The following ABCA5 variants were observed in gnomAD, a reference collection of about 807,000 sequenced individuals.
The protein encoded by ABCA5 is cholesterol transporter ABCA5.
Under a neutral mutation model 206.0 loss-of-function variants are expected in ABCA5, and 163 were observed. The observed-to-expected ratio is 0.79, with a 90% CI of 0.70 to 0.90. The LOEUF (loss-of-function observed/expected upper bound fraction) is 0.90. ABCA5 is among the 40% of genes least tolerant of loss of function. ABCA5 has a pLI of 0.00. For missense variants in ABCA5, 1,859 were observed against 1,912.9 expected (o/e 0.97, Z 0.53); for synonymous variants, 609 against 613.8 (o/e 0.99, Z 0.11).
intron 35 of ABCA5, 27 bp downstream of exon 35, chr17:69,251,720 T>C (rs1288807852): frequency 2.5e-6 from 4 of 1,598,210 alleles, no homozygotes; most frequent in Non-Finnish European, 3.4e-6. Flanking sequence ...CCTCTTCCCC[T>C]GAATGGCACG....
In ABCA5 at chr17:69,291,204, C is replaced by G; in HGVS notation, c.1606+12G>C. ...TAATGAAGTTTTTTTTTCTTTAAGA[C>G]AGAAAACTCACCATCAGAAGGTGGG... On this transcript the variant is annotated intron_variant, in intron 12 of 38. Transcript: ENST00000392676. 3.9e-6 allele frequency: 6 copies of G among 1,531,346 alleles called. No individual in the cohort carries two copies. Among genetic ancestry groups the G allele is most frequent in the Admixed American group, 1.9e-5 (1 of 51,416 alleles). 94.9% of individuals were successfully genotyped at this position (1,531,346 alleles called of 1,614,324 possible). A position where few individuals can be genotyped will look rare whatever the true frequency, so the allele number is the denominator to read the frequency against.
chr17:69,271,230 T>C lies in ABCA5; in HGVS notation c.2824A>G (p.Ile942Val). 6.2e-7 allele frequency: 1 copy of C among 1,613,586 alleles called. No homozygotes were observed. Among genetic ancestry groups the C allele is most frequent in the Non-Finnish European group, 8.5e-7 (1 of 1,179,666 alleles). Residue 942 changes from isoleucine (I) to valine (V), a missense_variant, in exon 21 of 39, where the codon ATT becomes GTT. Physicochemically the swap from Ile to Val is conservative, Grantham distance 29. Coordinates refer to ENST00000392676, the MANE Select transcript of ABCA5 (RefSeq NM_172232.4). The stretch of plus-strand genomic sequence containing the variant: ...ACGGATACATAGTCACTGTCATTAA[T>C]CATCGTCACCATTATGTTCTGGCTT... ...FTSQNIMVTM[I>V]NDSDYVSVAP...
At chr17:69,301,324 G>T in intron 8 of ABCA5, 38 bp from the exon 9 acceptor site, 3 of 1,553,610 alleles carry the variant, frequency 1.9e-6, no homozygotes, top group South Asian at 2.4e-5. Flanking sequence ...ACATAAAAAT[G>T]ACAAAAACAA....
intron 4 of ABCA5, 123 bp downstream of exon 4, chr17:69,309,139 T>C: frequency 1.5e-6 from 1 of 680,338 alleles, no homozygotes; most frequent in East Asian, 3.2e-5. Flanking sequence ...TCAGTTTTCC[T>C]ATTGGAACAA....
intron 11 of ABCA5, among the ~76,000 whole-genome samples, chr17:69,292,410 T>G (rs2075538646): frequency 6.6e-6 from 1 of 152,192 alleles, no homozygotes; most frequent in Admixed American, 6.5e-5. Flanking sequence ...AATTATGTGT[T>G]GGTAACATAT....
intron 9 of ABCA5, 42 bp downstream of exon 9, chr17:69,301,097 C>A: frequency 1.4e-6 from 2 of 1,480,322 alleles, no homozygotes; most frequent in South Asian, 3.0e-5. Flanking sequence ...GGCAAAAAAG[C>A]CTAAAAATCT....
At chr17:69,275,450 T>G (rs557019559) in intron 19 of ABCA5, among the ~76,000 whole-genome samples, 1 of 152,186 alleles carries the variant, frequency 6.6e-6, no homozygotes, top group East Asian at 1.9e-4. Context: ...GTAATTTTTT[T>G]AAAAAAATTC....
At chr17:69,281,715 C>T (rs940394042) in intron 18 of ABCA5, among the ~76,000 whole-genome samples, 5 of 152,120 alleles carry the variant, frequency 3.3e-5, no homozygotes, top group Non-Finnish European at 5.9e-5. Flanking sequence ...TGTTCCCACA[C>T]AATAAGGCCA....
intron 4 of ABCA5, 109 bp downstream of exon 4, chr17:69,309,153 A>T (rs2075746330): frequency 1.2e-6 from 1 of 814,112 alleles, no homozygotes; most frequent in East Asian, 3.0e-5. Flanking sequence ...GGAACAAGTA[A>T]GAATAGTTGA....
At chr17:69,248,487 T>G (rs558053217) in intron 37 of ABCA5, 170 bp from the exon 38 acceptor site, 14 of 503,532 alleles carry the variant, frequency 2.8e-5, no homozygotes, top group Non-Finnish European at 5.1e-5. Context: ...TCCCCACACC[T>G]ATAATTCCTC....
At chr17:69,309,819 AAC>A (rs1357870615) in intron 3 of ABCA5, among the ~76,000 whole-genome samples, 5 of 152,142 alleles carry the variant, frequency 3.3e-5, no homozygotes, top group Admixed American at 2.6e-4. Context: ...CAGCTTAGGC[AAC>A]AGAGTGAGAC....
chr17:69,290,067 A>G (rs746109829), intron 12 of ABCA5, 30 bp from the exon 13 acceptor site: 2 of 1,400,902 alleles, frequency 1.4e-6, no homozygotes, highest in Admixed American at 2.3e-5. Context: ...TTAAATGTAC[A>G]TTAATTATTT....
chr17:69,298,305 A>G (rs1312638754), intron 9 of ABCA5, among the ~76,000 whole-genome samples: 1 of 133,402 alleles, frequency 7.5e-6, no homozygotes, highest in Non-Finnish European at 1.6e-5. Context: ...AAAGAGAAAG[A>G]AAGAGAGAGA....
Position 69,297,310 on chromosome 17 carries a change from A to C in ABCA5, c.1317T>G (p.Tyr439Ter). 1 of 1,611,158 alleles carries C rather than the reference A, an allele frequency of 6.2e-7. No individual in the cohort carries two copies. Among genetic ancestry groups the C allele is most frequent in the Non-Finnish European group, 8.5e-7 (1 of 1,179,220 alleles). The change falls in exon 10 of 39, where the codon TAT (tyrosine) becomes TAG (stop). Residue 439 changes from tyrosine to a stop codon, truncating the protein, a stop_gained. Coordinates refer to ENST00000392676, the MANE Select transcript of ABCA5 (RefSeq NM_172232.4). LOFTEE classifies it high-confidence loss of function. ...CATAATTTCTTTTGCTCTTTGACCA[A>C]TATGAAGGCTTCAGAAAATATAAAG... ...RSSLYFLKPSYWSKSKRNYEE... is the reference protein window; with the variant it reads ...RSSLYFLKPS
At chr17:69,288,517 T>C (rs956104896) in intron 14 of ABCA5, among the ~76,000 whole-genome samples, 5 of 152,124 alleles carry the variant, frequency 3.3e-5, no homozygotes, top group Admixed American at 2.6e-4. Context: ...ATAGCTACCA[T>C]TCCAATTCAG....
chr17:69,323,283 C>A (rs966556578), intron 1 of ABCA5, among the ~76,000 whole-genome samples: 1 of 152,144 alleles, frequency 6.6e-6, no homozygotes. Flanking sequence ...TATACCCTTC[C>A]CCCAAAAAGA....
In ABCA5 at chr17:69,282,760, A is replaced by G. The variant is rs375191930; in HGVS notation, c.2392+1193T>C. Among the ~76,000 whole-genome samples, 205 of 90,876 alleles carry G rather than the reference A, an allele frequency of 2.3e-3. 2 individuals carry two copies. The highest frequency in any genetic ancestry group is 7.3e-3 in the African/African-American group (196 of 26,856). 59.6% of individuals were successfully genotyped at this position (90,876 alleles called of 152,430 possible). ...GCACTCCAGCCTGGGTGACAGAGCA[A>G]GACTCAAAAAAAAAAAAAAAAAAGG... is the stretch of plus-strand genomic sequence containing the variant. On this transcript the variant is annotated intron_variant, in intron 18 of 38. Coordinates refer to ENST00000392676, the MANE Select transcript of ABCA5 (RefSeq NM_172232.4).
chr17:69,291,345 A>C lies in ABCA5; in HGVS notation c.1496-19T>G, dbSNP rs759343762. 6.7e-7 allele frequency: 1 copy of C among 1,490,612 alleles called. No homozygotes were observed. The highest frequency in any genetic ancestry group is 1.2e-5 in the South Asian group (1 of 85,768). 92.3% of individuals were successfully genotyped at this position (1,490,612 alleles called of 1,614,324 possible). A position where few individuals can be genotyped will look rare whatever the true frequency, so the allele number is the denominator to read the frequency against. On this transcript the variant is annotated intron_variant, in intron 11 of 38. Coordinates refer to ENST00000392676, the MANE Select transcript of ABCA5 (RefSeq NM_172232.4). ...GACAAATCTAGTTCAGGAAAAAAGA[A>C]GACTCAAATGTAATTTTTATGTCTG... is the stretch of plus-strand genomic sequence containing the variant.
intron 35 of ABCA5, chr17:69,251,197 T>G (rs921355424): frequency 4.6e-5 from 7 of 153,136 alleles, no homozygotes; most frequent in Non-Finnish European, 1.0e-4. Flanking sequence ...ACAACATCGT[T>G]TAGTTAAGGT....
Sources: gnomAD v4.1 joint callset for allele counts (sites outside exome capture counted in the v4.1 genomes callset) on GRCh38, gnomAD v4.1.1 for gene constraint, MANE v1.5 for transcripts, NCBI Gene and HGNC (gene_info 2026-07-23, HGNC 2026-07-21) for gene names.